Variants in ITGB3BP observed in about 807,000 individuals in gnomAD.
ITGB3BP encodes integrin subunit beta 3 binding protein.
A neutral mutation model predicts 29.1 loss-of-function variants in ITGB3BP; 27 were observed. The observed-to-expected ratio is 0.93, with a 90% CI of 0.68 to 1.28. The LOEUF (loss-of-function observed/expected upper bound fraction) is 1.28, where lower values mean the gene tolerates loss of function less well. Ranked by LOEUF, ITGB3BP falls within the 50% of genes most tolerant of loss-of-function variation. ITGB3BP has a pLI of 0.00. For synonymous variants in ITGB3BP, 61 were observed against 61.4 expected, an observed-to-expected ratio of 0.99 and a Z score of 0.03; for missense variants, 192 against 200.2, an observed-to-expected ratio of 0.96 and a Z score of 0.25.
intron 8 of ITGB3BP, among the ~76,000 whole-genome samples, chr1:63,441,950 T>C (rs1644735600): frequency 6.7e-6 from 1 of 149,218 alleles, no homozygotes; most frequent in African/African-American, 2.6e-5. Flanking sequence ...AATGACCTAA[T>C]AAGGCTGGGG....
chr1:63,447,148 G>A (rs901415272), intron 7 of ITGB3BP: 6 of 335,332 alleles, frequency 1.8e-5, no homozygotes, highest in Non-Finnish European at 3.3e-5. Flanking sequence ...TAAAATGACT[G>A]TCATTTGTGC....
intron 2 of ITGB3BP, among the ~76,000 whole-genome samples, chr1:63,503,302 A>C (rs1645986608): frequency 6.6e-6 from 1 of 152,172 alleles, no homozygotes; most frequent in South Asian, 2.1e-4. Context: ...TTTTGGCTGC[A>C]TAAATGTCTT....
chr1:63,510,910 G>T lies in ITGB3BP; in HGVS notation c.6-2340C>A, dbSNP rs542334198. Among the ~76,000 whole-genome samples the T allele has an allele frequency of 5.3e-5, 8 of 152,234 alleles. 1 individual carries two copies. The South Asian group carries it at 1.7e-3, about 32-fold the overall frequency. ...AAATTGATTACTTTACTGTTAGTAG[G>T]AATAGAAGAGACGGATGAAACATAT... On this transcript the variant is annotated intron_variant, in intron 1 of 8. Transcript: ENST00000271002.
At chr1:63,527,264 G>C (rs1235069607), upstream of ITGB3BP, among the ~76,000 whole-genome samples, 1 of 152,128 alleles carries the variant, frequency 6.6e-6, no homozygotes, top group African/African-American at 2.4e-5. Flanking sequence ...AATTATCTGG[G>C]AGGATAACTA....
rs1225184007 is a variant in ITGB3BP at position 63,454,389 on chromosome 1, T to C, written c.418A>G (p.Lys140Glu). Residue 140 changes from lysine (K) to glutamate (E), a missense_variant, in exon 6 of 9, where the codon AAA (lysine) becomes GAA (glutamate). Transcript: ENST00000271002. The surrounding 1 kb of genome is among the most constrained non-coding windows in gnomAD (Gnocchi z 4.1). ...HFLKREMQKT[K>E]ELMTKVNKQK... ...ACTCAAAAATTCTTACTTAGTTCTT[T>C]GGTTTTCTGCATTTCTCTTTTTAAG... The C allele has an allele frequency of 6.4e-7, 1 of 1,566,382 alleles. No individual in the cohort carries two copies. Among genetic ancestry groups the C allele is most frequent in the Non-Finnish European group, 8.8e-7 (1 of 1,141,722 alleles).
At chr1:63,519,016 G>A (rs1646394628) in intron 1 of ITGB3BP, among the ~76,000 whole-genome samples, 1 of 152,034 alleles carries the variant, frequency 6.6e-6, no homozygotes, top group Non-Finnish European at 1.5e-5. Context: ...TACACTTTGT[G>A]CCACTGGTAT....
chr1:63,452,135 T>C (rs891422172), intron 7 of ITGB3BP: 1 of 152,088 alleles, frequency 6.6e-6, no homozygotes, highest in African/African-American at 2.4e-5. Context: ...ATTTTAGATG[T>C]CCATAAGGAA....
rs557974308 is a variant in ITGB3BP, at chr1:63,452,806, G to A, written c.484+1112C>T. 1.6e-4 allele frequency among the ~76,000 whole-genome samples: 24 copies of A among 152,154 alleles called. No homozygotes were observed. The South Asian group carries it at 3.5e-3, about 22-fold the overall frequency. On this transcript the variant is annotated intron_variant, in intron 7 of 8. Transcript: ENST00000271002. Reference sequence around the variant, plus strand: ...GGAGTCTTGCCATGGCTGCAGCCCTGCCATGACCCAGCTGGCCTTTAGATC... The same window carrying A: ...GGAGTCTTGCCATGGCTGCAGCCCTACCATGACCCAGCTGGCCTTTAGATC...
intron 2 of ITGB3BP, among the ~76,000 whole-genome samples, chr1:63,493,095 C>CGCGCGCGT (rs1557639855): frequency 1.5e-4 from 22 of 151,426 alleles, no homozygotes; most frequent in Admixed American, 1.2e-3. Flanking sequence ...CACACGCGCG[C>CGCGCGCGT]GCGCGCAAGA....
chr1:63,508,752 T>A (rs576829643), intron 1 of ITGB3BP, among the ~76,000 whole-genome samples, 182 bp from the exon 2 acceptor site: 1 of 152,128 alleles, frequency 6.6e-6, no homozygotes, highest in Admixed American at 6.6e-5. Context: ...TTGATTCTAA[T>A]TGCATATCTC....
At chr1:63,514,615 T>C (rs1227353892) in intron 1 of ITGB3BP, among the ~76,000 whole-genome samples, 8 of 152,188 alleles carry the variant, frequency 5.3e-5, no homozygotes, top group African/African-American at 1.7e-4. Flanking sequence ...GTCTGATATA[T>C]ATCTGTTACA....
At chr1:63,482,270 CAAAAAAAAAA>C (rs376500389) in intron 3 of ITGB3BP, among the ~76,000 whole-genome samples, 3 of 59,352 alleles carry the variant, frequency 5.1e-5, no homozygotes, top group African/African-American at 1.4e-4. Flanking sequence ...GACTCCATCT[CAAAAAAAAAA>C]AAAAAAAAAA....
intron 2 of ITGB3BP, among the ~76,000 whole-genome samples, chr1:63,496,649 C>T (rs1645795304): frequency 6.6e-6 from 1 of 152,098 alleles, no homozygotes; most frequent in Admixed American, 6.6e-5. Context: ...ATTATCACCA[C>T]AAAAAACAGC....
rs181902538 is a variant in ITGB3BP, at chr1:63,504,665, T to C, written c.48+3863A>G. Among the ~76,000 whole-genome samples, 586 of 152,310 alleles carry C rather than the reference T, an allele frequency of 3.8e-3. 3 individuals carry two copies. The highest frequency in any genetic ancestry group is 0.013 in the African/African-American group (524 of 41,566). On this transcript the variant is annotated intron_variant, in intron 2 of 8. Transcript: ENST00000271002. ...CTGTGGGTTTGTCATAGATAGCTCT[T>C]ATTATTTTGAGATACGTCCCATCGA...
intron 1 of ITGB3BP, among the ~76,000 whole-genome samples, chr1:63,516,925 A>G (rs1473411988): frequency 6.6e-6 from 1 of 152,040 alleles, no homozygotes; most frequent in Admixed American, 6.6e-5. Context: ...GGCACCTACG[A>G]GCTCAAACCT....
chr1:63,517,625 T>C (rs895849666), intron 1 of ITGB3BP, among the ~76,000 whole-genome samples: 2 of 152,330 alleles, frequency 1.3e-5, no homozygotes, highest in Admixed American at 1.3e-4. Flanking sequence ...GCATCCTACA[T>C]CCTTGCTAAA....
At chr1:63,477,548 G>A (rs978282671) in intron 4 of ITGB3BP, among the ~76,000 whole-genome samples, 10 of 151,974 alleles carry the variant, frequency 6.6e-5, no homozygotes, top group South Asian at 2.1e-4. Context: ...GCGAAACTCC[G>A]TCTCCGAAAA....
intron 8 of ITGB3BP, chr1:63,443,220 A>G (rs955074087): frequency 2.0e-5 from 3 of 152,218 alleles, no homozygotes; most frequent in African/African-American, 7.2e-5. Context: ...CAAAATCAGG[A>G]GTTTCATTCA....
chr1:63,526,558 T>C (rs1229505383), upstream of ITGB3BP, among the ~76,000 whole-genome samples: 1 of 152,210 alleles, frequency 6.6e-6, no homozygotes, highest in Admixed American at 6.5e-5. Context: ...TTTTGAGGAA[T>C]ACAAGAATTG....
Sources: allele counts gnomAD v4.1 joint callset (sites outside exome capture counted in the v4.1 genomes callset), GRCh38; gene constraint gnomAD v4.1.1; non-coding constraint Gnocchi (gnomAD v3.1); transcripts MANE v1.5; gene names NCBI Gene and HGNC (gene_info 2026-07-23, HGNC 2026-07-21).